Variants in ABLIM1 observed in about 807,000 individuals in gnomAD.
ABLIM1 encodes actin-binding LIM protein 1.
In ABLIM1, 40 loss-of-function variants were observed where a neutral mutation model predicts 107.0. That is an observed-to-expected ratio of 0.37 (90% CI 0.29 to 0.49). The LOEUF is 0.49. ABLIM1 is among the 20% of genes least tolerant of loss of function. The probability of loss-of-function intolerance (pLI) is 0.97; values close to 1 mark genes in which losing one functional copy is unlikely to be tolerated. For missense variants in ABLIM1, 857 were observed against 1,008.5 expected (o/e 0.85, Z 2.04); for synonymous variants, 357 against 357.3 (o/e 1.00, Z 0.01).
At chr10:114,512,765 C>T (rs1419578132) in intron 6 of ABLIM1, among the ~76,000 whole-genome samples, 4 of 150,854 alleles carry the variant, frequency 2.7e-5, no homozygotes, top group East Asian at 2.0e-4. Flanking sequence ...GTGGAGGTTG[C>T]GGTGAGCCGA....
chr10:114,583,708 G>A lies in ABLIM1; in HGVS notation c.380-8109C>T, dbSNP rs1023527319. Among the ~76,000 whole-genome samples the A allele has an allele frequency of 3.3e-5, 5 of 151,552 alleles. 1 individual carries two copies. The highest frequency in any genetic ancestry group is 2.6e-4 in the Admixed American group (4 of 15,158). ...GCCCTGTTTACAACAGTAAAGACACGGAATCCATCTAAGTGCCTGTCAATG... is the reference window on the plus strand; with the variant it reads ...GCCCTGTTTACAACAGTAAAGACACAGAATCCATCTAAGTGCCTGTCAATG... On this transcript the variant is annotated intron_variant, in intron 2 of 22. Transcript: ENST00000533213.
chr10:114,716,410 AACACACACAC>A (rs56097544), intron 1 of ABLIM1, among the ~76,000 whole-genome samples: 6 of 143,622 alleles, frequency 4.2e-5, no homozygotes, highest in Admixed American at 7.0e-5. Context: ...GGTAGAGAGA[AACACACACAC>A]ACACACACAC....
intron 6 of ABLIM1, among the ~76,000 whole-genome samples, chr10:114,517,618 G>C (rs868634903): frequency 1.2e-4 from 17 of 144,672 alleles, no homozygotes; most frequent in Admixed American, 2.0e-4. Flanking sequence ...GGGCGGGGAG[G>C]GGGGCCACAG....
At position 114,632,111 on chromosome 10, in the gene ABLIM1, C is replaced by T. The variant is rs867260004; in HGVS notation, c.244+25846G>A. The T allele has an allele frequency of 3.0e-6, 3 of 985,236 alleles. No individual in the cohort carries two copies. The African/African-American group carries it at 5.2e-5, about 17-fold the overall frequency. 61.0% of individuals were successfully genotyped at this position (985,236 alleles called of 1,614,324 possible). ...GCGGGCCCCGCTCCCATGCCCGCCC[C>T]GCTATCGCCCCCGCGCTCTTCTCCG... On this transcript the variant is annotated intron_variant, in intron 1 of 22. Coordinates refer to ENST00000533213, the MANE Select transcript of ABLIM1 (RefSeq NM_002313.7).
At chr10:114,544,124 T>C (rs1472280372) in intron 6 of ABLIM1, among the ~76,000 whole-genome samples, 1 of 152,064 alleles carries the variant, frequency 6.6e-6, no homozygotes, top group African/African-American at 2.4e-5. Context: ...GCTGGGAAGG[T>C]GGAACATGGC....
intron 1 of ABLIM1, among the ~76,000 whole-genome samples, chr10:114,725,973 C>G (rs1210587276): frequency 6.6e-6 from 1 of 151,982 alleles, no homozygotes; most frequent in Non-Finnish European, 1.5e-5. Context: ...GTCTTGAACC[C>G]CTGGGCTCAA....
chr10:114,528,394 T>C (rs2065091305), intron 6 of ABLIM1, among the ~76,000 whole-genome samples: 1 of 152,198 alleles, frequency 6.6e-6, no homozygotes, highest in Non-Finnish European at 1.5e-5. Flanking sequence ...CTAAGCTGGT[T>C]TGGAAGAAGT....
rs369990331 is a variant in ABLIM1 at position 114,597,965 on chromosome 10, G to A, written c.379+3862C>T. ...TAGCCACTAACCACATGTGGCTACT[G>A]ACCATTTGAAATGTGTCTAGTCCAG... On this transcript the variant is annotated intron_variant, in intron 2 of 22. Transcript: ENST00000533213. Among the ~76,000 whole-genome samples, 34 of 152,268 alleles carry A rather than the reference G, an allele frequency of 2.2e-4. 1 individual carries two copies. The highest frequency in any genetic ancestry group is 2.1e-3 in the South Asian group (10 of 4,824).
At position 114,627,607 on chromosome 10, in the gene ABLIM1, A is replaced by G. The variant is rs1175008401; in HGVS notation, c.245-25646T>C. On this transcript the variant is annotated intron_variant, in intron 1 of 22. Transcript: ENST00000533213. ...GGCTTACAGAATCCTAAAGGAAAAG[A>G]AAGAACTAAGCTAGAACATCTCTGT... Among the ~76,000 whole-genome samples the G allele has an allele frequency of 4.6e-5, 7 of 152,226 alleles. No homozygotes were observed. In the South Asian group the frequency reaches 1.2e-3, roughly 27 times the overall value.
chr10:114,652,019 C>T (rs2079271435), intron 1 of ABLIM1, among the ~76,000 whole-genome samples: 1 of 152,208 alleles, frequency 6.6e-6, no homozygotes, highest in Admixed American at 6.5e-5. Flanking sequence ...GGGCAGGAAC[C>T]ACATGCTGGT....
intron 10 of ABLIM1, 57 bp downstream of exon 10, chr10:114,472,920 T>C (rs976581401): frequency 2.1e-6 from 3 of 1,451,416 alleles, no homozygotes; most frequent in Non-Finnish European, 2.8e-6. Context: ...TTATTACAAA[T>C]GTGACAAAAG....
At chr10:114,712,245 C>T (rs1399635515) in intron 1 of ABLIM1, among the ~76,000 whole-genome samples, 1 of 148,764 alleles carries the variant, frequency 6.7e-6, no homozygotes, top group East Asian at 2.1e-4. Flanking sequence ...CCTAGCTACT[C>T]GTGAGGCTGA....
intron 1 of ABLIM1, among the ~76,000 whole-genome samples, chr10:114,681,606 T>G (rs1440282870): frequency 1.3e-5 from 2 of 152,144 alleles, no homozygotes; most frequent in East Asian, 3.8e-4. Context: ...CCCTTCTAAC[T>G]CTCTACGCCA....
intron 6 of ABLIM1, among the ~76,000 whole-genome samples, chr10:114,517,618 G>A (rs868634903): frequency 4.8e-5 from 7 of 144,672 alleles, no homozygotes; most frequent in Non-Finnish European, 4.4e-5. Flanking sequence ...GGGCGGGGAG[G>A]GGGGCCACAG....
intron 8 of ABLIM1, among the ~76,000 whole-genome samples, chr10:114,475,858 T>C (rs1355132912): frequency 6.6e-6 from 1 of 152,186 alleles, no homozygotes; most frequent in Non-Finnish European, 1.5e-5. Context: ...TTTGGAACAC[T>C]TCCTCCCCTC....
intron 1 of ABLIM1, chr10:114,690,321 G>A (rs996041656): frequency 6.3e-7 from 1 of 1,598,680 alleles, no homozygotes; most frequent in African/African-American, 1.3e-5. Flanking sequence ...GGAACCGTTT[G>A]TGTTGGGTCC....
rs2073481300 is a variant in ABLIM1 at position 114,582,282 on chromosome 10, A to T, written c.380-6683T>A. ...CATTTACAATAGCCACACACACAAAAACACCGAGGAATCCATCTAACCAAA... is the reference window on the plus strand; with the variant it reads ...CATTTACAATAGCCACACACACAAATACACCGAGGAATCCATCTAACCAAA... On this transcript the variant is annotated intron_variant, in intron 2 of 22. Coordinates refer to ENST00000533213, the MANE Select transcript of ABLIM1 (RefSeq NM_002313.7). Among the ~76,000 whole-genome samples, 3 of 152,162 alleles carry T rather than the reference A, an allele frequency of 2.0e-5. No homozygotes were observed. In the South Asian group the frequency reaches 6.2e-4, roughly 32 times the overall value.
At position 114,453,267 on chromosome 10, in the gene ABLIM1, G is replaced by A. The variant is rs1160357133; in HGVS notation, c.1546+112C>T. The stretch of plus-strand genomic sequence containing the variant: ...GGTCAGATCCTGCAATTTAGGGTTT[G>A]TTAACTGTGCATCCCAATTAAAAGA... On this transcript the variant is annotated intron_variant, in intron 13 of 22. Coordinates refer to ENST00000533213, the MANE Select transcript of ABLIM1 (RefSeq NM_002313.7). 2.6e-6 allele frequency: 3 copies of A among 1,167,030 alleles called. No homozygotes were observed. In the African/African-American group the frequency reaches 4.5e-5, roughly 18 times the overall value. The allele number at this position is 1,167,030 out of a possible 1,614,324, so 72.3% of individuals were successfully genotyped here.
intron 1 of ABLIM1, among the ~76,000 whole-genome samples, chr10:114,712,291 T>C (rs1164811176): frequency 9.0e-5 from 12 of 133,478 alleles, no homozygotes; most frequent in Non-Finnish European, 1.8e-4. Flanking sequence ...AGGCAGGGGC[T>C]GCAATGAGCC....
Sources: allele counts gnomAD v4.1 joint callset (sites outside exome capture counted in the v4.1 genomes callset), GRCh38; gene constraint gnomAD v4.1.1; transcripts MANE v1.5; gene names NCBI Gene and HGNC (gene_info 2026-07-23, HGNC 2026-07-21).